BRD10: variants seen among roughly 807,000 people sequenced by gnomAD.
BRD10 encodes the protein uncharacterized bromodomain-containing protein 10.
At chr9:5,920,445 G>C in the BRD10 span, 1 of 1,614,006 alleles carries the variant, frequency 6.2e-7, no homozygotes, top group Non-Finnish European at 8.5e-7. Flanking sequence ...GAAGCCGTGT[G>C]AATGGTAGTG....
the BRD10 span, chr9:5,899,282 G>A: frequency 6.6e-6 from 1 of 152,218 alleles, no homozygotes; most frequent in Admixed American, 6.5e-5. Context: ...GGTTGGTGTG[G>A]GGTGGGGATT....
At chr9:5,906,899 T>G in the BRD10 span, 1 of 1,584,210 alleles carries the variant, frequency 6.3e-7, no homozygotes, top group East Asian at 2.4e-5. Context: ...AAAGTCTTCA[T>G]GTTGGCACTC....
the BRD10 span, among the ~76,000 whole-genome samples, chr9:5,951,250 T>G: frequency 6.6e-6 from 1 of 152,028 alleles, no homozygotes; most frequent in Admixed American, 6.6e-5. Flanking sequence ...AAGTTCTAGC[T>G]TTAAAAAAAG....
chr9:5,968,721 C>G, the BRD10 span: 2 of 1,613,782 alleles, frequency 1.2e-6, no homozygotes, highest in South Asian at 1.1e-5. Flanking sequence ...ATCCGAGGTA[C>G]TCTTTGTATT....
the BRD10 span, among the ~76,000 whole-genome samples, chr9:5,907,401 G>A: frequency 3.3e-5 from 5 of 152,168 alleles, no homozygotes; most frequent in African/African-American, 1.2e-4. Flanking sequence ...ATTGTATAGA[G>A]CTGTGCTGTC....
At chr9:5,893,618 C>T in the BRD10 span, among the ~76,000 whole-genome samples, 4 of 152,132 alleles carry the variant, frequency 2.6e-5, no homozygotes, top group African/African-American at 9.7e-5. Context: ...GGAGGGGAGC[C>T]CATTGCCCGT....
the BRD10 span, among the ~76,000 whole-genome samples, chr9:5,974,753 G>A: frequency 6.6e-6 from 1 of 152,144 alleles, no homozygotes; most frequent in Non-Finnish European, 1.5e-5. Context: ...TTAGTACAGG[G>A]ACAAACTTAC....
At chr9:5,947,758 G>A in the BRD10 span, among the ~76,000 whole-genome samples, 6 of 151,950 alleles carry the variant, frequency 3.9e-5, no homozygotes, top group Admixed American at 2.6e-4. Flanking sequence ...CATATATGTG[G>A]CCATTACATT....
At chr9:5,978,631 G>A in the BRD10 span, among the ~76,000 whole-genome samples, 1 of 152,118 alleles carries the variant, frequency 6.6e-6, no homozygotes, top group African/African-American at 2.4e-5. Flanking sequence ...AGGATTAGTA[G>A]GGAGCTTATA....
At chr9:5,915,563 T>C in the BRD10 span, among the ~76,000 whole-genome samples, 3 of 152,194 alleles carry the variant, frequency 2.0e-5, no homozygotes, top group African/African-American at 7.2e-5. Flanking sequence ...TAGCATTTCA[T>C]TCAAATTCAA....
At chr9:5,990,190 G>C in the BRD10 span, among the ~76,000 whole-genome samples, 1 of 152,208 alleles carries the variant, frequency 6.6e-6, no homozygotes, top group African/African-American at 2.4e-5. Context: ...CGGAAGTAAG[G>C]AATTGCGGAC....
the BRD10 span, among the ~76,000 whole-genome samples, chr9:5,984,598 A>G: frequency 1.3e-5 from 2 of 152,222 alleles, no homozygotes; most frequent in Non-Finnish European, 2.9e-5. Flanking sequence ...TGCATCTAAT[A>G]GCACAGTTTC....
chr9:5,949,504 A>G, the BRD10 span, among the ~76,000 whole-genome samples: 1 of 152,210 alleles, frequency 6.6e-6, no homozygotes, highest in Non-Finnish European at 1.5e-5. Flanking sequence ...TTTCAGAGGT[A>G]TGTTAAGGAT....
chr9:5,883,462 C>CTTCT, the BRD10 span, among the ~76,000 whole-genome samples: 47 of 102,376 alleles, frequency 4.6e-4, no homozygotes, highest in Non-Finnish European at 7.6e-4. Context: ...CCTTCTTCTT[C>CTTCT]TTTTTTTTTT....
At chr9:5,964,134 G>C in the BRD10 span, among the ~76,000 whole-genome samples, 1 of 151,524 alleles carries the variant, frequency 6.6e-6, no homozygotes, top group Non-Finnish European at 1.5e-5. Context: ...CAAAATGGGA[G>C]AAAATTTTCG....
chr9:5,892,639 A>T, the BRD10 span: 1 of 1,028,332 alleles, frequency 9.7e-7, no homozygotes, highest in African/African-American at 1.6e-5. Context: ...GCCTGCTCGT[A>T]AATCTCCCTA....
chr9:6,008,363 A>AG, the BRD10 span: 49 of 971,990 alleles, frequency 5.0e-5, no homozygotes, highest in Middle Eastern at 5.2e-4. Flanking sequence ...CTGGGCGGTG[A>AG]GGGGGGAGAA....
the BRD10 span, among the ~76,000 whole-genome samples, chr9:5,946,011 C>A: frequency 6.6e-6 from 1 of 152,010 alleles, no homozygotes; most frequent in African/African-American, 2.4e-5. Flanking sequence ...TCCTAAAGGG[C>A]ACTTTCTTCT....
the BRD10 span, among the ~76,000 whole-genome samples, chr9:5,952,000 C>CTTATTTAT: frequency 0.019 from 2,448 of 127,956 alleles, 53 homozygotes; most frequent in African/African-American, 0.048. Context: ...CAGGAAGAGA[C>CTTATTTAT]TTATTTATTT....
Sources: allele counts gnomAD v4.1 joint callset (sites outside exome capture counted in the v4.1 genomes callset), GRCh38; gene constraint gnomAD v4.1.1; transcripts MANE v1.5; gene names NCBI Gene and HGNC (gene_info 2026-07-23, HGNC 2026-07-21).